The following AHI1 variants were observed in gnomAD, a reference collection of about 807,000 sequenced individuals.
AHI1 encodes jouberin.
AHI1 carries 123 observed loss-of-function variants against 149.3 expected under a neutral mutation model. That is an observed-to-expected ratio of 0.82 (90% confidence interval 0.71 to 0.96). The LOEUF (loss-of-function observed/expected upper bound fraction) is 0.96, where lower values mean the gene tolerates loss of function less well. Among genes scored for constraint, AHI1 ranks in the 40% least tolerant of loss-of-function variants. The pLI, the probability that AHI1 is intolerant of heterozygous loss-of-function variation, is 0.00. For synonymous variants in AHI1, 475 were observed against 459.8 expected, an observed-to-expected ratio of 1.03 and a Z score of -0.42; for missense variants, 1,439 against 1,422.7, an observed-to-expected ratio of 1.01 and a Z score of -0.18.
chr6:135,301,579 A>G (rs1305453608), intron 26 of AHI1: 1 of 985,286 alleles, frequency 1.0e-6, no homozygotes, highest in African/African-American at 1.7e-5. Flanking sequence ...TTTCAAGAGG[A>G]TATTATGCTT....
chr6:135,360,263 G>A (rs1793651583), intron 23 of AHI1, among the ~76,000 whole-genome samples: 7 of 152,090 alleles, frequency 4.6e-5, no homozygotes, highest in Admixed American at 4.6e-4. Flanking sequence ...CTAGGCCATG[G>A]TACCCAGATA....
Position 135,427,180 on chromosome 6 carries a change from A to C in AHI1, c.2751T>G (p.Ile917Met). ...TGGTAGACTTACCATGGAAATCGTA[A>C]ATATACAGAAGAATTGGCTCATTTT... Reference protein sequence around the residue: ...FGQNEPILLYIYDFHVAQQEA... With the variant: ...FGQNEPILLYMYDFHVAQQEA... Residue 917 changes from isoleucine (I) to methionine (M), a missense_variant, in exon 20 of 29, where the codon ATT becomes ATG. Physicochemically the swap from Ile to Met is conservative, Grantham distance 10. Coordinates refer to ENST00000265602, the MANE Select transcript of AHI1 (RefSeq NM_001134831.2). 1 of 1,609,920 alleles carries C rather than the reference A, an allele frequency of 6.2e-7. No individual in the cohort carries two copies. The highest frequency in any genetic ancestry group is 8.5e-7 in the Non-Finnish European group (1 of 1,177,306).
chr6:135,355,028 G>A (rs1428056536), intron 24 of AHI1, among the ~76,000 whole-genome samples: 2 of 152,170 alleles, frequency 1.3e-5, no homozygotes, highest in Non-Finnish European at 2.9e-5. Context: ...CTTCCACAAT[G>A]TTTTGAGGAG....
At chr6:135,448,793 T>C (rs1370433211) in intron 11 of AHI1, among the ~76,000 whole-genome samples, 1 of 152,116 alleles carries the variant, frequency 6.6e-6, no homozygotes, top group Non-Finnish European at 1.5e-5. Context: ...TCAATACACA[T>C]GTTTGAAATA....
In AHI1 at chr6:135,443,179, C is replaced by A. The variant is rs116147352; in HGVS notation, c.1780-465G>T. 9.5e-3 allele frequency among the ~76,000 whole-genome samples: 1,445 copies of A among 152,280 alleles called. 34 individuals carry two copies. The highest frequency in any genetic ancestry group is 0.033 in the African/African-American group (1,382 of 41,548). On this transcript the variant is annotated intron_variant, in intron 13 of 28. Coordinates refer to ENST00000265602, the MANE Select transcript of AHI1 (RefSeq NM_001134831.2). ...CTCTTTGCCTATCTTAAAATAATCA[C>A]CTTTTGTGGCTGCCTTCCAAAATGT...
At chr6:135,451,108 C>T (rs948085164) in intron 11 of AHI1, among the ~76,000 whole-genome samples, 4 of 152,030 alleles carry the variant, frequency 2.6e-5, no homozygotes, top group Admixed American at 2.6e-4. Context: ...GCAATCCTCC[C>T]CGCTCAGCCT....
chr6:135,316,167 A>G (rs1480315645), intron 26 of AHI1, among the ~76,000 whole-genome samples: 2 of 152,076 alleles, frequency 1.3e-5, no homozygotes, highest in African/African-American at 4.8e-5. Flanking sequence ...CTTTCCAATA[A>G]AGTACTTCCT....
At position 135,466,228 on chromosome 6, in the gene AHI1, T is replaced by A. The variant is rs1339721327; in HGVS notation, c.335A>T (p.Asn112Ile). ...RNTQLATENP[N>I]GDASVEEDKQ... ...GTCTTCCTCTACACTAGCATCACCA[T>A]TAGGATTTTCAGTTGCTAACTGTGT... Residue 112 changes from asparagine to isoleucine, a missense_variant, in exon 7 of 29, where the codon AAT (asparagine) becomes ATT (isoleucine). Physicochemically the swap from Asn to Ile is moderately radical, Grantham distance 149 (BLOSUM62 -3). Coordinates refer to ENST00000265602, the MANE Select transcript of AHI1 (RefSeq NM_001134831.2). 3 of 1,613,888 alleles carry A rather than the reference T, an allele frequency of 1.9e-6. No homozygotes were observed. In the Admixed American group the frequency reaches 5.0e-5, roughly 27 times the overall value.
chr6:135,406,439 T>C (rs1780807478), intron 21 of AHI1, among the ~76,000 whole-genome samples: 1 of 152,202 alleles, frequency 6.6e-6, no homozygotes, highest in African/African-American at 2.4e-5. Context: ...CTTGGTTATG[T>C]GGCTTGATCT....
At position 135,469,150 on chromosome 6, in the gene AHI1, G is replaced by A. The variant is rs187247562; in HGVS notation, c.136-1516C>T. ...ACCAAATCCAGCAGCACATCAAAAA[G>A]CTTATCCACCACCATCAAGTCAGCT... On this transcript the variant is annotated intron_variant, in intron 5 of 28. Transcript: ENST00000265602. Among the ~76,000 whole-genome samples, 627 of 152,260 alleles carry A rather than the reference G, an allele frequency of 4.1e-3. 5 individuals are homozygous for A. Among genetic ancestry groups the A allele is most frequent in the Middle Eastern group, 0.01 (3 of 294 alleles).
rs567037404 is a variant in AHI1 at position 135,432,021 on chromosome 6, T to C, written c.2267-707A>G. Among the ~76,000 whole-genome samples the C allele has an allele frequency of 9.9e-5, 15 of 151,790 alleles. 1 individual carries two copies. In the South Asian group the frequency reaches 3.1e-3, roughly 32 times the overall value. On this transcript the variant is annotated intron_variant, in intron 16 of 28. Transcript: ENST00000265602. ...TTCCTTTTTTTTTTTTTTTTGCACA[T>C]TTGGATATCGTATGGCCAAATAGTT...
In AHI1 at chr6:135,323,268, G is replaced by A. The variant is rs61755967; in HGVS notation, c.3222C>T (p.Arg1074=). 21 of 1,613,682 alleles carry A rather than the reference G, an allele frequency of 1.3e-5. No homozygotes were observed. The highest frequency in any genetic ancestry group is 1.1e-4 in the South Asian group (10 of 91,008). The change falls in exon 25 of 29, where the codon CGC becomes CGT. Residue 1074 remains arginine, a synonymous_variant. Transcript: ENST00000265602. ...TGAAAAACACTCGGATAATGTCTCC[G>A]CGATGGATGGTTAGTTCATCTGATC... The part of the protein sequence containing the change: ...ANRSDELTIH[R]GDIIRVFFKD...
At position 135,378,256 on chromosome 6, in the gene AHI1, T is replaced by C. The variant is rs149707076; in HGVS notation, c.3109+16520A>G. Among the ~76,000 whole-genome samples the C allele has an allele frequency of 6.3e-3, 963 of 152,314 alleles. 10 individuals are homozygous for C. The highest frequency in any genetic ancestry group is 0.021 in the African/African-American group (886 of 41,568). ...AGTCTTTAATAATCTGTATTATTTA[T>C]TCCCAAATATTAGTCAAAAATAAAA... On this transcript the variant is annotated intron_variant, in intron 23 of 28. Transcript: ENST00000265602.
At chr6:135,421,108 T>C (rs1583151847) in intron 20 of AHI1, among the ~76,000 whole-genome samples, 1 of 152,146 alleles carries the variant, frequency 6.6e-6, no homozygotes, top group East Asian at 1.9e-4. Context: ...TGAAAACATT[T>C]ATCAATTAAG....
At chr6:135,465,318 CAT>C (rs1192867879) in intron 7 of AHI1, among the ~76,000 whole-genome samples, 25 of 152,062 alleles carry the variant, frequency 1.6e-4, no homozygotes, top group Non-Finnish European at 2.2e-4. Context: ...ATATAAGCAT[CAT>C]ATAGAGAAAA....
intron 8 of AHI1, among the ~76,000 whole-genome samples, chr6:135,459,740 T>TAAAAAAAAAAAAAAAAA (rs58235668): frequency 1.7e-5 from 2 of 118,554 alleles, no homozygotes; most frequent in African/African-American, 3.4e-5. Context: ...CTGACAGAAG[T>TAAAAAAAAAAAAAAAAA]AAAAAAAAAA....
intron 5 of AHI1, chr6:135,490,090 G>C (rs1260056300): frequency 1.4e-6 from 1 of 695,968 alleles, no homozygotes; most frequent in South Asian, 1.6e-5. Context: ...GTTGTAGTTA[G>C]TTGCTGATTT....
chr6:135,427,356 C>G (rs374281424), intron 19 of AHI1, 49 bp from the exon 20 acceptor site: 5 of 1,473,794 alleles, frequency 3.4e-6, no homozygotes, highest in Non-Finnish European at 4.6e-6. Context: ...ATATCTGTAT[C>G]GATAAATCTT....
Position 135,428,685 on chromosome 6 carries a change from G to C in AHI1, c.2567C>G (p.Thr856Ser), listed in dbSNP as rs199736888. The change falls in exon 19 of 29, where the codon ACT becomes AGT. Residue 856 changes from threonine (T) to serine (S), a missense_variant. Coordinates refer to ENST00000265602, the MANE Select transcript of AHI1 (RefSeq NM_001134831.2). ...KIHSTLTPCG[T>S]FLFAGSEDGI... ...ATCCTCACTTCCAGCAAACAGAAAA[G>C]TCCCACATGGAGTCAAAGTACTATG... is the stretch of plus-strand genomic sequence containing the variant. 303 of 1,608,930 alleles carry C rather than the reference G, an allele frequency of 1.9e-4. 3 individuals carry two copies. In the East Asian group the frequency reaches 6.6e-3, roughly 35 times the overall value.
Sources: gnomAD v4.1 joint callset for allele counts (sites outside exome capture counted in the v4.1 genomes callset) on GRCh38, gnomAD v4.1.1 for gene constraint, MANE v1.5 for transcripts, NCBI Gene and HGNC (gene_info 2026-07-23, HGNC 2026-07-21) for gene names.